The following SHROOM2 variants were observed in gnomAD, a reference collection of about 807,000 sequenced individuals.
SHROOM2 encodes the protein shroom family member 2.
In SHROOM2, 33 loss-of-function variants were observed where a neutral mutation model predicts 75.9. The observed-to-expected ratio is 0.43, with a 90% CI of 0.33 to 0.58. The LOEUF (loss-of-function observed/expected upper bound fraction) is 0.58, where lower values mean the gene tolerates loss of function less well. Ranked by LOEUF, SHROOM2 falls within the 20% of genes least tolerant of loss-of-function variation. The probability of loss-of-function intolerance (pLI) is 0.04; values close to 1 mark genes in which losing one functional copy is unlikely to be tolerated. For synonymous variants in SHROOM2, 655 were observed against 663.6 expected (o/e 0.99, Z 0.20); for missense variants, 1,434 against 1,461.2 (o/e 0.98, Z 0.30).
At chrX:9,823,775 T>TTTTTG (rs2083874069) in intron 1 of SHROOM2, among the ~76,000 whole-genome samples, 1 of 101,931 alleles carries the variant, frequency 9.8e-6, no homozygotes, top group African/African-American at 3.5e-5. Context: ...TTTTTTTTTT[T>TTTTTG]TGAGACAGGG....
chrX:9,790,029 A>G (rs2083638920), intron 1 of SHROOM2, among the ~76,000 whole-genome samples: 1 of 112,166 alleles, frequency 8.9e-6, no homozygotes, highest in Non-Finnish European at 1.9e-5. Context: ...ATTTCTCTGG[A>G]TTGGAGACAG....
intron 5 of SHROOM2, among the ~76,000 whole-genome samples, chrX:9,903,257 A>C (rs112237516): frequency 8.9e-6 from 1 of 112,412 alleles, no homozygotes; most frequent in Non-Finnish European, 1.9e-5. Flanking sequence ...GCCTTCAATT[A>C]GCTCAGGGCA....
chrX:9,811,703 C>T lies in SHROOM2; in HGVS notation c.165+24993C>T, dbSNP rs1020763022. ...CCTTCACCGCTGTCCTTCGGGGTGT[C>T]GTAGAAAGGGGCTGTAGTGGTGCCA... On this transcript the variant is annotated intron_variant, in intron 1 of 9. Coordinates refer to ENST00000380913, the MANE Select transcript of SHROOM2 (RefSeq NM_001649.4). Among the ~76,000 whole-genome samples, 9 of 111,855 alleles carry T rather than the reference C, an allele frequency of 8.0e-5. No homozygotes were observed. In the South Asian group the frequency reaches 3.0e-3, roughly 38 times the overall value.
At chrX:9,837,732 A>G (rs1225329697) in intron 1 of SHROOM2, among the ~76,000 whole-genome samples, 2 of 111,614 alleles carry the variant, frequency 1.8e-5, no homozygotes, top group Admixed American at 9.5e-5. Context: ...GTCGCCTCAT[A>G]CCCCTGTGCC....
At chrX:9,909,891 G>A (rs753860251) in intron 5 of SHROOM2, among the ~76,000 whole-genome samples, 1 of 112,074 alleles carries the variant, frequency 8.9e-6, no homozygotes, top group Non-Finnish European at 1.9e-5. Flanking sequence ...TGGCAGATTC[G>A]GTGTCTGGTG....
chrX:9,838,248 G>A, intron 1 of SHROOM2, among the ~76,000 whole-genome samples: 2 of 109,287 alleles, frequency 1.8e-5, no homozygotes, highest in South Asian at 8.0e-4. Context: ...TTTTAGTAGA[G>A]GCAGGGTTTC....
rs1265960940 is a variant in SHROOM2 at position 9,941,735 on chromosome X, G to T, written c.4311+2369G>T. ...GCTTGTAATCCCAGCACTTTCGGAG[G>T]CCGAGGTGGGCGGATCACGAGGTCA... On this transcript the variant is annotated intron_variant, in intron 8 of 9. Coordinates refer to ENST00000380913, the MANE Select transcript of SHROOM2 (RefSeq NM_001649.4). 4.6e-5 allele frequency among the ~76,000 whole-genome samples: 5 copies of T among 109,800 alleles called. No homozygotes were observed. In the Admixed American group the frequency reaches 4.9e-4, roughly 11 times the overall value.
At chrX:9,932,992 G>A (rs1602015737) in intron 6 of SHROOM2, 122 bp downstream of exon 6, 3 of 543,717 alleles carry the variant, frequency 5.5e-6, no homozygotes, top group South Asian at 3.2e-5. Flanking sequence ...TGGACTTAAA[G>A]TCAGTACTGG....
In SHROOM2 at chrX:9,792,046, GAAT is replaced by G. The variant is rs1453516483; in HGVS notation, c.165+5338_165+5340del. ...GAATAGAATAGAATAGAATAGAATA[GAAT>G]AGAATAGAATAGAATAGAATAGAAT... On this transcript the variant is annotated intron_variant, in intron 1 of 9. Transcript: ENST00000380913. 3.9e-3 allele frequency among the ~76,000 whole-genome samples: 4 copies of G among 1,021 alleles called. 1 individual carries two copies. Among genetic ancestry groups the G allele is most frequent in the African/African-American group, 0.01 (4 of 383 alleles). The allele number at this position is 1,021 out of a possible 115,157, so 0.9% of individuals were successfully genotyped here. A position where few individuals can be genotyped will look rare whatever the true frequency, so the allele number is the denominator to read the frequency against.
intron 1 of SHROOM2, among the ~76,000 whole-genome samples, chrX:9,830,260 C>T (rs1220387998): frequency 8.9e-6 from 1 of 112,153 alleles, no homozygotes; most frequent in Non-Finnish European, 1.9e-5. Flanking sequence ...CTGCTCCCCT[C>T]TGCCCCTGGT....
At chrX:9,876,356 A>G (rs934102163) in intron 2 of SHROOM2, among the ~76,000 whole-genome samples, 3 of 112,061 alleles carry the variant, frequency 2.7e-5, no homozygotes, top group African/African-American at 9.7e-5. Context: ...TAATACTCCA[A>G]CTACCTTTAT....
intron 1 of SHROOM2, among the ~76,000 whole-genome samples, chrX:9,807,646 C>G (rs1365823830): frequency 1.8e-5 from 2 of 112,231 alleles, no homozygotes; most frequent in Admixed American, 1.9e-4. Flanking sequence ...TGTCCATGCC[C>G]CAACAAAAAA....
intron 5 of SHROOM2, among the ~76,000 whole-genome samples, chrX:9,901,994 T>A (rs59722843): frequency 2.9e-5 from 1 of 34,893 alleles, no homozygotes; most frequent in African/African-American, 8.4e-5. Context: ...AGTTGGAGGG[T>A]GGGGAGGGTG....
At chrX:9,933,103 T>G (rs1206350952) in intron 6 of SHROOM2, among the ~76,000 whole-genome samples, 1 of 111,174 alleles carries the variant, frequency 9.0e-6, no homozygotes, top group Non-Finnish European at 1.9e-5. Context: ...TAGATGTGAA[T>G]AGGTGATACA....
In SHROOM2 at chrX:9,932,605, C is replaced by T. The variant is rs749085397; in HGVS notation, c.3322C>T (p.Arg1108Cys). The change falls in exon 6 of 10, where the codon CGC becomes TGC. Residue 1108 changes from arginine (R) to cysteine (C), a missense_variant. Physicochemically the swap from Arg to Cys is radical, Grantham distance 180 (BLOSUM62 -3). Coordinates refer to ENST00000380913, the MANE Select transcript of SHROOM2 (RefSeq NM_001649.4). Reference sequence around the variant, plus strand: ...TGCGTCCCTGGATGTGTATGTGGCCCGCCTGTCCCTCTCCCACAGCCCCTC... The same window carrying T: ...TGCGTCCCTGGATGTGTATGTGGCCTGCCTGTCCCTCTCCCACAGCCCCTC... ...SPASLDVYVA[R>C]LSLSHSPSVF... 6.6e-6 allele frequency: 8 copies of T among 1,211,608 alleles called. No individual in the cohort carries two copies. The highest frequency in any genetic ancestry group is 2.3e-4 in the Middle Eastern group (1 of 4,352).
At chrX:9,920,232 A>G (rs1350889133) in intron 5 of SHROOM2, among the ~76,000 whole-genome samples, 4 of 112,548 alleles carry the variant, frequency 3.6e-5, no homozygotes, top group Non-Finnish European at 7.5e-5. Context: ...AGCTCACTAC[A>G]ACTCATCAGA....
chrX:9,836,706 C>T (rs773039965), intron 1 of SHROOM2, among the ~76,000 whole-genome samples: 101 of 111,241 alleles, frequency 9.1e-4, no homozygotes, highest in African/African-American at 3.1e-3. Flanking sequence ...GGATTACAGG[C>T]GTGAGCCACT....
rs963377584 is a variant in SHROOM2, at chrX:9,786,919, T to C, written c.165+209T>C. Among the ~76,000 whole-genome samples, 3 of 110,935 alleles carry C rather than the reference T, an allele frequency of 2.7e-5. No individual in the cohort carries two copies. The East Asian group carries it at 8.7e-4, about 32-fold the overall frequency. On this transcript the variant is annotated intron_variant, in intron 1 of 9. Coordinates refer to ENST00000380913, the MANE Select transcript of SHROOM2 (RefSeq NM_001649.4). ...CCGCGCCTCGCAGAGTTTAAATGGC[T>C]CCTGCCCGGAGTCCCTTTCCCCTCC...
At chrX:9,810,850 G>C (rs2083787882) in intron 1 of SHROOM2, among the ~76,000 whole-genome samples, 1 of 111,145 alleles carries the variant, frequency 9.0e-6, no homozygotes, top group South Asian at 3.9e-4. Flanking sequence ...ACTTCAAAAG[G>C]CCATTCCACC....
Sources: allele counts gnomAD v4.1 joint callset (sites outside exome capture counted in the v4.1 genomes callset), GRCh38; gene constraint gnomAD v4.1.1; transcripts MANE v1.5; gene names NCBI Gene and HGNC (gene_info 2026-07-23, HGNC 2026-07-21).